The following EPS15 variants were observed in gnomAD, a reference collection of about 807,000 sequenced individuals.
EPS15 encodes epidermal growth factor receptor substrate 15.
In EPS15, 72 loss-of-function variants were observed where a neutral mutation model predicts 113.8. The observed-to-expected ratio is 0.63, with a 90% CI of 0.52 to 0.77. The LOEUF (loss-of-function observed/expected upper bound fraction) is 0.77. Ranked by LOEUF, EPS15 falls within the 30% of genes least tolerant of loss-of-function variation. EPS15 has a pLI of 0.00. For missense variants in EPS15, 1,048 were observed against 1,045.8 expected (o/e 1.00, Z -0.03); for synonymous variants, 344 against 363.4 (o/e 0.95, Z 0.61).
chr1:51,408,523 A>G (rs774895862), intron 14 of EPS15, among the ~76,000 whole-genome samples, 191 bp from the exon 15 acceptor site: 1 of 150,694 alleles, frequency 6.6e-6, no homozygotes, highest in Non-Finnish European at 1.5e-5. Flanking sequence ...CTGGATTCAA[A>G]CTCCTGGGCT....
At chr1:51,375,731 A>G (rs1646781430) in intron 21 of EPS15, among the ~76,000 whole-genome samples, 1 of 152,198 alleles carries the variant, frequency 6.6e-6, no homozygotes, top group African/African-American at 2.4e-5. Flanking sequence ...CCTTCTCCAT[A>G]TTCTCATAAT....
chr1:51,455,751 T>C (rs1653948963), intron 8 of EPS15, among the ~76,000 whole-genome samples: 1 of 152,118 alleles, frequency 6.6e-6, no homozygotes, highest in Non-Finnish European at 1.5e-5. Context: ...GTAAACAGAA[T>C]ACTGATACAC....
intron 1 of EPS15, among the ~76,000 whole-genome samples, chr1:51,516,273 C>T (rs1246640605): frequency 6.6e-6 from 1 of 152,200 alleles, no homozygotes; most frequent in South Asian, 2.1e-4. Flanking sequence ...ACTCCTCTAG[C>T]AGAAATAAGT....
intron 1 of EPS15, among the ~76,000 whole-genome samples, chr1:51,517,043 T>C (rs971983977): frequency 1.3e-5 from 2 of 152,142 alleles, no homozygotes; most frequent in Non-Finnish European, 2.9e-5. Context: ...TATCTTAGTG[T>C]ATTGGGCTCA....
intron 13 of EPS15, among the ~76,000 whole-genome samples, chr1:51,418,500 G>T (rs997306652): frequency 2.0e-5 from 3 of 152,026 alleles, no homozygotes; most frequent in Non-Finnish European, 4.4e-5. Flanking sequence ...AGATAGGAAG[G>T]GGGGGAAAAT....
At chr1:51,412,475 C>T (rs1350346089) in intron 13 of EPS15, among the ~76,000 whole-genome samples, 1 of 152,132 alleles carries the variant, frequency 6.6e-6, no homozygotes, top group East Asian at 1.9e-4. Flanking sequence ...TTTAAAAATG[C>T]CAACACAATA....
At chr1:51,495,340 TA>T (rs56737476) in intron 1 of EPS15, among the ~76,000 whole-genome samples, 4,561 of 151,412 alleles carry the variant, frequency 0.03, 75 homozygotes, top group African/African-American at 0.05. Flanking sequence ...GAGTTTTATT[TA>T]TTTTTATTTT....
chr1:51,449,444 G>A (rs1375778356), intron 8 of EPS15, among the ~76,000 whole-genome samples: 2 of 152,112 alleles, frequency 1.3e-5, no homozygotes, highest in East Asian at 1.9e-4. Context: ...TGTGAGGGTG[G>A]AGGGAAGAAG....
At chr1:51,451,537 A>G (rs1238360505) in intron 8 of EPS15, among the ~76,000 whole-genome samples, 1 of 151,120 alleles carries the variant, frequency 6.6e-6, no homozygotes, top group African/African-American at 2.4e-5. Context: ...AAAAAAAAAG[A>G]AATTCTAAGA....
chr1:51,356,516 GAA>G lies in EPS15; in HGVS notation c.*182_*183del, dbSNP rs878936060. 1,383 of 312,700 alleles carry G rather than the reference GAA, an allele frequency of 4.4e-3. No individual in the cohort carries two copies. Among genetic ancestry groups the G allele is most frequent in the South Asian group, 5.1e-3 (105 of 20,666 alleles). The allele number at this position is 312,700 out of a possible 1,614,324, so 19.4% of individuals were successfully genotyped here. A position where few individuals can be genotyped will look rare whatever the true frequency, so the allele number is the denominator to read the frequency against. ...TCTGACTGGGTTACGGCTTTTATAA[GAA>G]AAAAAAAAAAAGACGAATCTGTAAT... On this transcript the variant is annotated 3_prime_UTR_variant, in exon 25 of 25. Coordinates refer to ENST00000371733, the MANE Select transcript of EPS15 (RefSeq NM_001981.3).
At chr1:51,464,410 T>C (rs1005880547) in intron 6 of EPS15, among the ~76,000 whole-genome samples, 1 of 151,980 alleles carries the variant, frequency 6.6e-6, no homozygotes, top group African/African-American at 2.4e-5. Flanking sequence ...CAGCTAATTT[T>C]CTTGTACTTT....
chr1:51,469,481 C>T (rs1192580203), intron 4 of EPS15, among the ~76,000 whole-genome samples: 1 of 152,166 alleles, frequency 6.6e-6, no homozygotes, highest in East Asian at 1.9e-4. Context: ...TGCAAAGAAG[C>T]TGAAGCAACT....
At chr1:51,505,811 T>A (rs1356233411) in intron 1 of EPS15, among the ~76,000 whole-genome samples, 2 of 152,146 alleles carry the variant, frequency 1.3e-5, no homozygotes, top group South Asian at 2.1e-4. Flanking sequence ...TTATTTATTT[T>A]TTGAGATGGA....
chr1:51,356,348 G>T lies in EPS15; in HGVS notation c.*352C>A, dbSNP rs1646217869. The T allele has an allele frequency of 3.8e-6, 1 of 260,422 alleles. No homozygotes were observed. Among genetic ancestry groups the T allele is most frequent in the Admixed American group, 5.2e-5 (1 of 19,414 alleles). The allele number at this position is 260,422 out of a possible 1,614,324, so 16.1% of individuals were successfully genotyped here. A position where few individuals can be genotyped will look rare whatever the true frequency, so the allele number is the denominator to read the frequency against. ...CTATCATCAGAATAACTACAGAACA[G>T]GGTAGTGCAGGGTGAAACTATTTCT... On this transcript the variant is annotated 3_prime_UTR_variant, in exon 25 of 25. Coordinates refer to ENST00000371733, the MANE Select transcript of EPS15 (RefSeq NM_001981.3).
At chr1:51,392,400 A>G (rs559969858) in intron 21 of EPS15, among the ~76,000 whole-genome samples, 2 of 152,348 alleles carry the variant, frequency 1.3e-5, no homozygotes, top group South Asian at 4.1e-4. Flanking sequence ...TATTATTACA[A>G]TTAATGATAA....
At position 51,408,293 on chromosome 1, in the gene EPS15, G is replaced by A. The variant is rs1193651420; in HGVS notation, c.1315C>T (p.Gln439Ter). Residue 439 changes from glutamine (Q) to a stop codon, truncating the protein, a stop_gained, in exon 15 of 25, where the codon CAG becomes TAG. Coordinates refer to ENST00000371733, the MANE Select transcript of EPS15 (RefSeq NM_001981.3). LOFTEE classifies it high-confidence loss of function. The part of the protein sequence containing the change: ...LKAELTSQES[Q>*]ISTYEEELAK... ...AATTCTTCTTCGTAAGTGGAGATCTGCGATTCCTGACTAGTTAATTCAGCT... is the reference window on the plus strand; with the variant it reads ...AATTCTTCTTCGTAAGTGGAGATCTACGATTCCTGACTAGTTAATTCAGCT... The A allele has an allele frequency of 6.2e-7, 1 of 1,612,978 alleles. No individual in the cohort carries two copies. The highest frequency in any genetic ancestry group is 1.3e-5 in the African/African-American group (1 of 74,690).
intron 12 of EPS15, among the ~76,000 whole-genome samples, chr1:51,429,206 T>A (rs1454498786): frequency 6.6e-6 from 1 of 152,168 alleles, no homozygotes. Flanking sequence ...AGTAAGTTGA[T>A]ATCAATTCCA....
At chr1:51,374,992 ACTTCT>A (rs1412064394) in intron 21 of EPS15, among the ~76,000 whole-genome samples, 3 of 133,602 alleles carry the variant, frequency 2.2e-5, no homozygotes, top group African/African-American at 8.7e-5. Context: ...TATTTAATAT[ACTTCT>A]TTTTTTTTTT....
intron 13 of EPS15, among the ~76,000 whole-genome samples, chr1:51,416,654 T>C (rs546045225): frequency 6.6e-6 from 1 of 152,164 alleles, no homozygotes; most frequent in South Asian, 2.1e-4. Context: ...TTTAAACAAA[T>C]ACCTAAGAAT....
Sources: allele counts gnomAD v4.1 joint callset (sites outside exome capture counted in the v4.1 genomes callset), GRCh38; gene constraint gnomAD v4.1.1; transcripts MANE v1.5; gene names NCBI Gene and HGNC (gene_info 2026-07-23, HGNC 2026-07-21).